KCNQ3: variants seen among roughly 807,000 people sequenced by gnomAD.
KCNQ3 encodes the protein potassium voltage-gated channel subfamily KQT member 3.
Under a neutral mutation model 92.5 loss-of-function variants are expected in KCNQ3, and 30 were observed. The ratio of observed to expected loss-of-function variants is 0.32; its 90% CI spans 0.24 to 0.44. The LOEUF is 0.44. Ranked by LOEUF, KCNQ3 falls within the 20% of genes least tolerant of loss-of-function variation. The pLI, the probability that KCNQ3 is intolerant of heterozygous loss-of-function variation, is 1.00. For missense variants in KCNQ3, 913 were observed against 1,140.3 expected (o/e 0.80, Z 2.87); for synonymous variants, 450 against 468.8 (o/e 0.96, Z 0.52).
At chr8:132,361,514 C>A (rs747734959) in intron 1 of KCNQ3, among the ~76,000 whole-genome samples, 11 of 152,130 alleles carry the variant, frequency 7.2e-5, no homozygotes, top group Non-Finnish European at 1.3e-4. Context: ...AGAATAGCAA[C>A]CTCGTTTATC....
At chr8:132,212,197 T>C (rs533144965) in intron 1 of KCNQ3, among the ~76,000 whole-genome samples, 8 of 152,118 alleles carry the variant, frequency 5.3e-5, no homozygotes, top group African/African-American at 1.7e-4. Flanking sequence ...ACACAGAACA[T>C]AGGCTCACAC....
intron 1 of KCNQ3, among the ~76,000 whole-genome samples, chr8:132,202,424 C>T (rs1827491469): frequency 6.6e-6 from 1 of 152,082 alleles, no homozygotes; most frequent in Admixed American, 6.6e-5. Context: ...TGGGAGCTTC[C>T]TACATCTTTC....
chr8:132,443,435 T>C (rs762586288), intron 1 of KCNQ3, among the ~76,000 whole-genome samples: 3 of 152,178 alleles, frequency 2.0e-5, no homozygotes, highest in Non-Finnish European at 4.4e-5. Context: ...CCAGCATTAA[T>C]GAGAATCAAA....
intron 1 of KCNQ3, among the ~76,000 whole-genome samples, chr8:132,227,742 T>C (rs1814478856): frequency 6.6e-6 from 1 of 152,198 alleles, no homozygotes; most frequent in South Asian, 2.1e-4. Context: ...CCTCATTTGT[T>C]CTGTTCTTGC....
intron 1 of KCNQ3, among the ~76,000 whole-genome samples, chr8:132,262,452 A>C (rs538015823): frequency 1.3e-5 from 2 of 152,320 alleles, no homozygotes; most frequent in South Asian, 4.1e-4. Flanking sequence ...ATAATATTTT[A>C]ATGCAATAAC....
chr8:132,156,106 C>T lies in KCNQ3; in HGVS notation c.1262+7362G>A, dbSNP rs904909421. ...TGGAGAGCGACATATTATTTTCTTCCGGTCTCATAAGAAATGTTTTCTCCA... is the reference window on the plus strand; with the variant it reads ...TGGAGAGCGACATATTATTTTCTTCTGGTCTCATAAGAAATGTTTTCTCCA... On this transcript the variant is annotated intron_variant, in intron 9 of 14. Coordinates refer to ENST00000388996, the MANE Select transcript of KCNQ3 (RefSeq NM_004519.4). Among the ~76,000 whole-genome samples, 10 of 152,060 alleles carry T rather than the reference C, an allele frequency of 6.6e-5. No homozygotes were observed. The East Asian group carries it at 1.6e-3, about 24-fold the overall frequency.
At chr8:132,311,565 C>T (rs938807455) in intron 1 of KCNQ3, among the ~76,000 whole-genome samples, 4 of 152,188 alleles carry the variant, frequency 2.6e-5, no homozygotes, top group Non-Finnish European at 4.4e-5. Flanking sequence ...TACAAACACC[C>T]TGAAAACCAA....
At chr8:132,295,417 G>T (rs1473945816) in intron 1 of KCNQ3, among the ~76,000 whole-genome samples, 1 of 152,162 alleles carries the variant, frequency 6.6e-6, no homozygotes, top group African/African-American at 2.4e-5. Flanking sequence ...AAATAGAAAT[G>T]CTTTTACACT....
intron 1 of KCNQ3, among the ~76,000 whole-genome samples, chr8:132,333,338 T>C (rs1296956702): frequency 6.6e-6 from 1 of 152,192 alleles, no homozygotes; most frequent in African/African-American, 2.4e-5. Context: ...GAGCCTAGGT[T>C]AAAATATTTA....
intron 9 of KCNQ3, among the ~76,000 whole-genome samples, chr8:132,144,365 A>T (rs1825389573): frequency 6.6e-6 from 1 of 152,242 alleles, no homozygotes; most frequent in Admixed American, 6.5e-5. Context: ...AGGATAATCA[A>T]ATGCAAGGCA....
intron 1 of KCNQ3, among the ~76,000 whole-genome samples, chr8:132,310,443 C>T (rs1817561096): frequency 6.6e-6 from 1 of 152,238 alleles, no homozygotes; most frequent in Non-Finnish European, 1.5e-5. Context: ...GAGTGCGGGG[C>T]AAAGCGCCCC....
chr8:132,209,316 C>A (rs1813775191), intron 1 of KCNQ3, among the ~76,000 whole-genome samples: 1 of 152,140 alleles, frequency 6.6e-6, no homozygotes, highest in Non-Finnish European at 1.5e-5. Context: ...TCCTTTATTT[C>A]TCTCTAGCAG....
intron 1 of KCNQ3, among the ~76,000 whole-genome samples, chr8:132,235,364 G>A (rs779939877): frequency 2.0e-4 from 30 of 152,240 alleles, no homozygotes; most frequent in Non-Finnish European, 3.1e-4. Flanking sequence ...TTAGCTGGGC[G>A]TGGTGGCAGG....
intron 1 of KCNQ3, among the ~76,000 whole-genome samples, chr8:132,303,578 ATGGTGTGTG>A (rs1563849714): frequency 9.3e-4 from 36 of 38,542 alleles, no homozygotes; most frequent in East Asian, 1.8e-3. Context: ...ATATATATAT[ATGGTGTGTG>A]TGTATATATA....
At chr8:132,169,342 A>G (rs1826240121) in intron 8 of KCNQ3, among the ~76,000 whole-genome samples, 1 of 152,222 alleles carries the variant, frequency 6.6e-6, no homozygotes, top group African/African-American at 2.4e-5. Context: ...TTTATAGGGT[A>G]CCTGTGGGGA....
intron 1 of KCNQ3, chr8:132,447,227 A>AATT: frequency 6.5e-7 from 1 of 1,535,632 alleles, no homozygotes; most frequent in Non-Finnish European, 8.7e-7. Flanking sequence ...CAGGCTTCAT[A>AATT]AGGTAATGAA....
At chr8:132,182,032 C>A (rs1256229494) in intron 3 of KCNQ3, among the ~76,000 whole-genome samples, 1 of 144,422 alleles carries the variant, frequency 6.9e-6, no homozygotes, top group Non-Finnish European at 1.5e-5. Flanking sequence ...GCGACAAGAG[C>A]GAGACTCCGT....
intron 1 of KCNQ3, among the ~76,000 whole-genome samples, chr8:132,401,516 C>T (rs1820331693): frequency 6.6e-6 from 1 of 152,096 alleles, no homozygotes; most frequent in African/African-American, 2.4e-5. Context: ...GCTGGGATGA[C>T]AGTCATGTGC....
intron 1 of KCNQ3, among the ~76,000 whole-genome samples, chr8:132,440,588 G>C (rs1469229243): frequency 6.6e-6 from 1 of 152,180 alleles, no homozygotes; most frequent in Admixed American, 6.5e-5. Flanking sequence ...GGAAACTGAG[G>C]CTTGGAGGGG....
Sources: allele counts gnomAD v4.1 joint callset (sites outside exome capture counted in the v4.1 genomes callset), GRCh38; gene constraint gnomAD v4.1.1; transcripts MANE v1.5; gene names NCBI Gene and HGNC (gene_info 2026-07-23, HGNC 2026-07-21).